The following PLSCR5 variants were observed in gnomAD, a reference collection of about 807,000 sequenced individuals.
PLSCR5 encodes phospholipid scramblase family, member 5.
In PLSCR5, 44 loss-of-function variants were observed where a neutral mutation model predicts 33.6. The observed-to-expected ratio is 1.31, with a 90% CI of 1.03 to 1.69. The LOEUF (loss-of-function observed/expected upper bound fraction) is 1.69. Ranked by LOEUF, PLSCR5 falls within the 40% of genes most tolerant of loss-of-function variation. PLSCR5 has a pLI of 0.00. For synonymous variants in PLSCR5, 148 were observed against 112.3 expected (o/e 1.32, Z -2.01); for missense variants, 375 against 318.7 (o/e 1.18, Z -1.34).
At chr3:146,581,761 T>C (rs2044633952), downstream of PLSCR5, among the ~76,000 whole-genome samples, 1 of 152,246 alleles carries the variant, frequency 6.6e-6, no homozygotes. Context: ...TGTATAGATA[T>C]ATTTCAATAC....
In PLSCR5 at chr3:146,594,044, C is replaced by T. The variant is rs559124176; in HGVS notation, c.329G>A (p.Arg110His). The T allele has an allele frequency of 4.3e-5, 70 of 1,613,648 alleles. No homozygotes were observed. The highest frequency in any genetic ancestry group is 1.6e-4 in the South Asian group (15 of 91,084). The part of the protein sequence containing the change: ...FAVEESICFN[R>H]TFCSTLRSCT... ...AGATCGCAGAGTGGAACAGAAAGTA[C>T]GATTGAAGCAGATGCTTTCCTCCAC... The change falls in exon 4 of 8, where the codon CGT (arginine) becomes CAT (histidine). Residue 110 changes from arginine to histidine, a missense_variant. Transcript: ENST00000443512.
At chr3:146,601,504 A>G (rs1314201350) in intron 1 of PLSCR5, among the ~76,000 whole-genome samples, 1 of 152,184 alleles carries the variant, frequency 6.6e-6, no homozygotes. Context: ...GGTTTGTGAC[A>G]GGTATTTTCA....
At chr3:146,579,573 A>G (rs1282828596) in intron 7 of PLSCR5, among the ~76,000 whole-genome samples, 1 of 152,190 alleles carries the variant, frequency 6.6e-6, no homozygotes, top group African/African-American at 2.4e-5. Context: ...TTTTGTAGGA[A>G]AGTCTGATTT....
chr3:146,593,899 C>T, intron 4 of PLSCR5, 21 bp downstream of exon 4: 1 of 1,597,626 alleles, frequency 6.3e-7, no homozygotes, highest in Non-Finnish European at 8.6e-7. Flanking sequence ...TCAAAAAGGA[C>T]AACCAGAGCC....
intron 2 of PLSCR5, among the ~76,000 whole-genome samples, chr3:146,596,787 A>T (rs2044765174): frequency 6.6e-6 from 1 of 152,034 alleles, no homozygotes; most frequent in African/African-American, 2.4e-5. Flanking sequence ...AACTAATATC[A>T]TTTTCTCTAT....
At chr3:146,583,008 C>G (rs185373332), downstream of PLSCR5, among the ~76,000 whole-genome samples, 9 of 152,056 alleles carry the variant, frequency 5.9e-5, no homozygotes, top group Admixed American at 4.6e-4. Context: ...GTTTGTATCC[C>G]CAACCAATCA....
intron 2 of PLSCR5, 77 bp downstream of exon 2, chr3:146,600,211 G>C: frequency 3.6e-6 from 4 of 1,122,956 alleles, no homozygotes; most frequent in Non-Finnish European, 4.6e-6. Flanking sequence ...TTTCAACCTT[G>C]ATTGAAAAGC....
At chr3:146,585,268 C>A (rs1240712922), downstream of PLSCR5, among the ~76,000 whole-genome samples, 1 of 151,960 alleles carries the variant, frequency 6.6e-6, no homozygotes, top group Non-Finnish European at 1.5e-5. Context: ...TTTTTCAGAG[C>A]CTTAGATCCC....
chr3:146,589,788 T>A lies in PLSCR5; in HGVS notation c.642A>T (p.Thr214=), dbSNP rs374132237. The change falls in exon 6 of 8, where the codon ACA becomes ACT. Residue 214 remains threonine (T), a synonymous_variant. Transcript: ENST00000443512. The part of the protein sequence containing the change: ...FEVKTINEKL[T]IGKISKYWSG... ...ACCAGTACTTTGAAATCTTCCCAAT[T>A]GTAAGCTTTTCATTAATGGTTTTCA... 5.1e-6 allele frequency: 8 copies of A among 1,556,192 alleles called. No homozygotes were observed. Among genetic ancestry groups the A allele is most frequent in the Non-Finnish European group, 7.0e-6 (8 of 1,139,544 alleles).
At chr3:146,605,105 A>T in intron 1 of PLSCR5, 95 bp downstream of exon 1, 1 of 1,245,966 alleles carries the variant, frequency 8.0e-7, no homozygotes, top group Non-Finnish European at 1.1e-6. Context: ...GACAGCTTTT[A>T]AAGTACCAAT....
intron 4 of PLSCR5, among the ~76,000 whole-genome samples, chr3:146,593,132 A>G (rs2044729272): frequency 6.6e-6 from 1 of 152,130 alleles, no homozygotes; most frequent in South Asian, 2.1e-4. Context: ...TTAAATTAGG[A>G]CACCTGGCTC....
At chr3:146,601,857 C>T (rs2044818796) in intron 1 of PLSCR5, among the ~76,000 whole-genome samples, 1 of 151,818 alleles carries the variant, frequency 6.6e-6, no homozygotes, top group East Asian at 1.9e-4. Context: ...GTAAATTTCT[C>T]ATCATTAAGA....
In PLSCR5 at chr3:146,605,306, A is replaced by G; in HGVS notation, c.-94T>C. 6.3e-7 allele frequency: 1 copy of G among 1,596,982 alleles called. No homozygotes were observed. Among genetic ancestry groups the G allele is most frequent in the South Asian group, 1.1e-5 (1 of 88,836 alleles). Reference sequence around the variant, plus strand: ...GGAGAGAAAACGCAGCATGCACAAAACTTCAGAACGTGTTTGTCTGCCTCT... The same window carrying G: ...GGAGAGAAAACGCAGCATGCACAAAGCTTCAGAACGTGTTTGTCTGCCTCT... On this transcript the variant is annotated 5_prime_UTR_variant, in exon 1 of 8. Coordinates refer to ENST00000443512, the MANE Select transcript of PLSCR5 (RefSeq NM_001085420.2).
chr3:146,600,930 T>C (rs1399302914), intron 1 of PLSCR5, among the ~76,000 whole-genome samples: 5 of 148,360 alleles, frequency 3.4e-5, no homozygotes, highest in Non-Finnish European at 7.4e-5. Context: ...GTTACTTGAA[T>C]AGATATGCAG....
rs1333356262 is a variant in PLSCR5 at position 146,585,925 on chromosome 3, C to T, written c.*62G>A. 3.8e-6 allele frequency: 3 copies of T among 785,246 alleles called. No individual in the cohort carries two copies. The highest frequency in any genetic ancestry group is 7.6e-5 in the East Asian group (2 of 26,162). 48.6% of individuals were successfully genotyped at this position (785,246 alleles called of 1,614,324 possible). A position where few individuals can be genotyped will look rare whatever the true frequency, so the allele number is the denominator to read the frequency against. ...CATTCAAACCATTCAGAAATGAAAT[C>T]CAGAGCCCAAGGGATTTCTAGAAGA... On this transcript the variant is annotated 3_prime_UTR_variant, in exon 8 of 8. Coordinates refer to ENST00000443512, the MANE Select transcript of PLSCR5 (RefSeq NM_001085420.2).
downstream of PLSCR5, among the ~76,000 whole-genome samples, chr3:146,584,796 C>T (rs1286130035): frequency 6.6e-6 from 1 of 152,142 alleles, no homozygotes; most frequent in African/African-American, 2.4e-5. Context: ...TTACTACCAC[C>T]CATAATATTA....
Position 146,600,460 on chromosome 3 carries a change from G to A in PLSCR5, c.17C>T (p.Ala6Val), listed in dbSNP as rs768601462. Residue 6 changes from alanine (A) to valine (V), a missense_variant, in exon 2 of 8, where the codon GCC (alanine) becomes GTC (valine). Coordinates refer to ENST00000443512, the MANE Select transcript of PLSCR5 (RefSeq NM_001085420.2). MASKD[A>V]QNQRRGLPGF... Reference sequence around the variant, plus strand: ...AGGCAGACCTCTTCTTTGGTTCTGGGCATCTGCAAGAGAATGGAAATCCCA... The same window carrying A: ...AGGCAGACCTCTTCTTTGGTTCTGGACATCTGCAAGAGAATGGAAATCCCA... 6.3e-6 allele frequency: 10 copies of A among 1,577,704 alleles called. No homozygotes were observed. In the Admixed American group the frequency reaches 1.7e-4, roughly 27 times the overall value.
At chr3:146,591,139 G>T (rs1166055979) in intron 5 of PLSCR5, among the ~76,000 whole-genome samples, 1 of 151,014 alleles carries the variant, frequency 6.6e-6, no homozygotes, top group Admixed American at 6.6e-5. Context: ...TAGGAAAGAA[G>T]ATACATAATT....
intron 7 of PLSCR5, among the ~76,000 whole-genome samples, chr3:146,578,986 T>C (rs936180067): frequency 3.3e-5 from 5 of 151,992 alleles, no homozygotes; most frequent in African/African-American, 1.2e-4. Context: ...GAAAATTTTT[T>C]TCTTTTTAAA....
Sources: allele counts gnomAD v4.1 joint callset (sites outside exome capture counted in the v4.1 genomes callset), GRCh38; gene constraint gnomAD v4.1.1; transcripts MANE v1.5; gene names NCBI Gene and HGNC (gene_info 2026-07-23, HGNC 2026-07-21).